Variants in STK39 observed in about 807,000 individuals in gnomAD.
STK39 encodes the protein serine/threonine kinase 39.
STK39 carries 20 observed loss-of-function variants against 77.8 expected under a neutral mutation model. The observed-to-expected ratio is 0.26, with a 90% confidence interval of 0.18 to 0.37. The LOEUF (loss-of-function observed/expected upper bound fraction) is 0.37, where lower values mean the gene tolerates loss of function less well. STK39 is among the 10% of genes least tolerant of loss of function. The pLI, the probability that STK39 is intolerant of heterozygous loss-of-function variation, is 1.00. For synonymous variants in STK39, 246 were observed against 234.1 expected (o/e 1.05, Z -0.47); for missense variants, 479 against 656.5 (o/e 0.73, Z 2.95).
chr2:168,240,177 T>G (rs925013308), intron 1 of STK39, among the ~76,000 whole-genome samples: 4 of 152,328 alleles, frequency 2.6e-5, no homozygotes, highest in Admixed American at 2.6e-4. Flanking sequence ...AGGTTCCCAC[T>G]GGCTGGAGAG....
intron 14 of STK39, among the ~76,000 whole-genome samples, chr2:168,027,389 C>T (rs150027601): frequency 5.6e-4 from 86 of 152,262 alleles, no homozygotes; most frequent in Middle Eastern, 3.4e-3. Context: ...TTCCTTTCAG[C>T]GTGCACCTCC....
At chr2:168,204,168 G>A (rs1689682305) in intron 1 of STK39, among the ~76,000 whole-genome samples, 1 of 152,198 alleles carries the variant, frequency 6.6e-6, no homozygotes, top group Non-Finnish European at 1.5e-5. Context: ...CTTGTCAAGG[G>A]ACATTTACTA....
chr2:168,115,861 T>C (rs369629121), intron 10 of STK39, among the ~76,000 whole-genome samples: 1 of 152,064 alleles, frequency 6.6e-6, no homozygotes, highest in Non-Finnish European at 1.5e-5. Flanking sequence ...GGGTGGAGAA[T>C]GCAAGACAAG....
At chr2:168,185,684 T>C (rs1559137791) in intron 1 of STK39, among the ~76,000 whole-genome samples, 1 of 152,238 alleles carries the variant, frequency 6.6e-6, no homozygotes, top group Non-Finnish European at 1.5e-5. Context: ...GTGTTTATTT[T>C]GCAAAAATCA....
intron 12 of STK39, among the ~76,000 whole-genome samples, chr2:168,072,255 C>T (rs1685959935): frequency 6.6e-6 from 1 of 152,136 alleles, no homozygotes; most frequent in African/African-American, 2.4e-5. Context: ...TGGAAGAAAA[C>T]TCTGTTCAAA....
intron 14 of STK39, among the ~76,000 whole-genome samples, chr2:168,024,505 G>C (rs562586486): frequency 6.6e-6 from 1 of 152,124 alleles, no homozygotes. Context: ...TTCTAAAAGC[G>C]CTTGAGGCTG....
chr2:167,994,143 A>C (rs1357012417), intron 16 of STK39, among the ~76,000 whole-genome samples: 19 of 152,230 alleles, frequency 1.2e-4, no homozygotes, highest in Non-Finnish European at 2.8e-4. Flanking sequence ...CTACTGAGTT[A>C]CAGAATTTTC....
rs529548831 is a variant in STK39 at position 167,964,562 on chromosome 2, A to G, written c.1563+100T>C. On this transcript the variant is annotated intron_variant, in intron 17 of 17. Transcript: ENST00000355999. ...AAATTGATTCTAAAAGAAAACAACA[A>G]CAGCAAAATTACAGAGTAGGTTATT... 19 of 1,131,644 alleles carry G rather than the reference A, an allele frequency of 1.7e-5. No homozygotes were observed. In the Admixed American group the frequency reaches 3.9e-4, roughly 23 times the overall value. The allele number at this position is 1,131,644 out of a possible 1,614,324, so 70.1% of individuals were successfully genotyped here. A position where few individuals can be genotyped will look rare whatever the true frequency, so the allele number is the denominator to read the frequency against.
At chr2:168,059,221 T>A (rs1488736067) in intron 14 of STK39, among the ~76,000 whole-genome samples, 1 of 152,166 alleles carries the variant, frequency 6.6e-6, no homozygotes, top group East Asian at 1.9e-4. Flanking sequence ...AATAAACCCA[T>A]TCCTTAGTGA....
At chr2:168,235,607 C>G (rs1690582926) in intron 1 of STK39, among the ~76,000 whole-genome samples, 1 of 107,600 alleles carries the variant, frequency 9.3e-6, no homozygotes, top group South Asian at 4.3e-4. Context: ...CTCCCCCCTC[C>G]CCCCACCCCA....
intron 14 of STK39, among the ~76,000 whole-genome samples, chr2:168,048,508 G>GGCCCGGCCCA (rs1222801871): frequency 6.6e-5 from 10 of 151,716 alleles, no homozygotes; most frequent in Non-Finnish European, 1.3e-4. Flanking sequence ...CACCGCGCCC[G>GGCCCGGCCCA]GCCCGGCCCG....
At chr2:168,149,780 C>A (rs1189524578) in intron 5 of STK39, among the ~76,000 whole-genome samples, 1 of 152,156 alleles carries the variant, frequency 6.6e-6, no homozygotes, top group African/African-American at 2.4e-5. Context: ...GCCAGAAGCA[C>A]AAATTAAAAT....
chr2:168,241,918 C>T (rs143308097), intron 1 of STK39, among the ~76,000 whole-genome samples: 5 of 152,314 alleles, frequency 3.3e-5, no homozygotes, highest in East Asian at 3.9e-4. Context: ...AAGGTCGCAG[C>T]GTCAGTGACC....
chr2:168,160,881 C>T (rs1195704266), intron 5 of STK39, among the ~76,000 whole-genome samples: 1 of 150,786 alleles, frequency 6.6e-6, no homozygotes, highest in Non-Finnish European at 1.5e-5. Flanking sequence ...AAAGCACTAA[C>T]TCAGATGGCT....
chr2:168,060,351 T>G (rs144557726), intron 14 of STK39, among the ~76,000 whole-genome samples: 1 of 152,288 alleles, frequency 6.6e-6, no homozygotes, highest in East Asian at 1.9e-4. Context: ...GAGGTAATTA[T>G]GTTTAGGTGA....
At chr2:168,187,606 G>C (rs1237721724) in intron 1 of STK39, among the ~76,000 whole-genome samples, 3 of 152,156 alleles carry the variant, frequency 2.0e-5, no homozygotes, top group African/African-American at 7.2e-5. Context: ...ATCTTAGCTA[G>C]CGTTGCTCCT....
chr2:168,076,552 G>T, intron 10 of STK39, among the ~76,000 whole-genome samples: 1 of 152,154 alleles, frequency 6.6e-6, no homozygotes, highest in East Asian at 1.9e-4. Flanking sequence ...GCTTTGATTT[G>T]AGGGCCTTAC....
At chr2:168,133,950 T>C (rs1687767114) in intron 8 of STK39, among the ~76,000 whole-genome samples, 1 of 152,148 alleles carries the variant, frequency 6.6e-6, no homozygotes, top group African/African-American at 2.4e-5. Context: ...GTTTTTTTGG[T>C]TTTTATTTTC....
intron 10 of STK39, among the ~76,000 whole-genome samples, chr2:168,118,336 G>A (rs1282758697): frequency 6.6e-6 from 1 of 152,152 alleles, no homozygotes; most frequent in African/African-American, 2.4e-5. Context: ...GTGATTTCCA[G>A]TAACAATTAG....
Sources: allele counts gnomAD v4.1 joint callset (sites outside exome capture counted in the v4.1 genomes callset), GRCh38; gene constraint gnomAD v4.1.1; transcripts MANE v1.5; gene names NCBI Gene and HGNC (gene_info 2026-07-23, HGNC 2026-07-21).